The following SMIM20 variants were observed in gnomAD, a reference collection of about 807,000 sequenced individuals.
SMIM20 encodes mitochondrial translation regulation assembly intermediate of cytochrome c oxidase protein of 7 kDa.
In SMIM20, 3 loss-of-function variants were observed where a neutral mutation model predicts 8.7. The ratio of observed to expected loss-of-function variants is 0.34; its 90% CI spans 0.16 to 0.89. The LOEUF is 0.89. SMIM20 is among the 40% of genes least tolerant of loss of function. The pLI is 0.49. For synonymous variants in SMIM20, 44 were observed against 33.6 expected (o/e 1.31, Z -1.07); for missense variants, 85 against 84.8 (o/e 1.00, Z -0.01).
chr4:25,916,134 G>A (rs1220797539), intron 1 of SMIM20, among the ~76,000 whole-genome samples: 2 of 152,156 alleles, frequency 1.3e-5, no homozygotes, highest in Admixed American at 6.5e-5. Flanking sequence ...TTCATCTGTG[G>A]GTGAACATTT....
chr4:25,916,651 G>A (rs866553991), intron 1 of SMIM20, among the ~76,000 whole-genome samples: 1 of 152,148 alleles, frequency 6.6e-6, no homozygotes, highest in Non-Finnish European at 1.5e-5. Flanking sequence ...TGCCTCCCAG[G>A]TTCAAGTGAT....
At position 25,924,163 on chromosome 4, in the gene SMIM20, A is replaced by T. The variant is rs977042698; in HGVS notation, c.110-4150A>T. On this transcript the variant is annotated intron_variant, in intron 1 of 2. Coordinates refer to ENST00000506197, the MANE Select transcript of SMIM20 (RefSeq NM_001145432.3). The stretch of plus-strand genomic sequence containing the variant: ...AACCTCCAGTTCTGGAATACCCCAG[A>T]GGCAGATGGTGTATGTATCTAGGTA... Among the ~76,000 whole-genome samples the T allele has an allele frequency of 2.6e-5, 4 of 152,366 alleles. No homozygotes were observed. In the South Asian group the frequency reaches 8.3e-4, roughly 32 times the overall value.
chr4:25,928,229 C>T, intron 1 of SMIM20, 84 bp from the exon 2 acceptor site: 2 of 1,318,932 alleles, frequency 1.5e-6, no homozygotes, highest in South Asian at 1.4e-5. Flanking sequence ...TCTAATTGTC[C>T]CATGTCATTG....
At chr4:25,921,768 G>T (rs1377359009) in intron 1 of SMIM20, among the ~76,000 whole-genome samples, 2 of 152,150 alleles carry the variant, frequency 1.3e-5, no homozygotes, top group African/African-American at 4.8e-5. Flanking sequence ...GCCCGGGGCA[G>T]TGTGCTGGGG....
In SMIM20 at chr4:25,915,853, A is replaced by AAGGGGGGGG. The variant is rs1719078032; in HGVS notation, c.109+1431_109+1432insAGGGGGGGG. The stretch of plus-strand genomic sequence containing the variant: ...ACATTTTTGCTTGTCACAACTTGGG[A>AAGGGGGGGG]TGGGGCGGGGGGGGGGTCGAGTGTT... On this transcript the variant is annotated intron_variant, in intron 1 of 2. Coordinates refer to ENST00000506197, the MANE Select transcript of SMIM20 (RefSeq NM_001145432.3). Among the ~76,000 whole-genome samples, 5 of 10,184 alleles carry AAGGGGGGGG rather than the reference A, an allele frequency of 4.9e-4. 1 individual carries two copies. Among genetic ancestry groups the AAGGGGGGGG allele is most frequent in the African/African-American group, 2.0e-3 (4 of 2,022 alleles). 6.7% of individuals were successfully genotyped at this position (10,184 alleles called of 152,430 possible).
intron 1 of SMIM20, among the ~76,000 whole-genome samples, chr4:25,925,652 C>T (rs921899483): frequency 6.6e-6 from 1 of 152,170 alleles, no homozygotes; most frequent in Non-Finnish European, 1.5e-5. Flanking sequence ...GCTGGTCCTC[C>T]ACTAGAGCAC....
intron 1 of SMIM20, among the ~76,000 whole-genome samples, chr4:25,920,820 A>T (rs2109363957): frequency 6.6e-6 from 1 of 152,318 alleles, no homozygotes; most frequent in East Asian, 1.9e-4. Context: ...TAGACACACA[A>T]ATCTTTACCA....
At chr4:25,927,851 A>G (rs981052404) in intron 1 of SMIM20, among the ~76,000 whole-genome samples, 2 of 152,216 alleles carry the variant, frequency 1.3e-5, no homozygotes, top group Non-Finnish European at 2.9e-5. Flanking sequence ...TTTCTGCTCT[A>G]TTTCCTATCA....
chr4:25,919,525 T>G (rs890210992), intron 1 of SMIM20, among the ~76,000 whole-genome samples: 3 of 151,938 alleles, frequency 2.0e-5, no homozygotes, highest in African/African-American at 7.3e-5. Context: ...TTTCCTGTAT[T>G]TTAGTAGAGA....
At chr4:25,921,660 G>C (rs1380799468) in intron 1 of SMIM20, among the ~76,000 whole-genome samples, 1 of 152,214 alleles carries the variant, frequency 6.6e-6, no homozygotes, top group Non-Finnish European at 1.5e-5. Context: ...GTGAGCTGCA[G>C]CTGGAGATGG....
intron 1 of SMIM20, among the ~76,000 whole-genome samples, chr4:25,920,493 C>G (rs1719177019): frequency 6.6e-6 from 1 of 151,888 alleles, no homozygotes; most frequent in African/African-American, 2.4e-5. Context: ...GTGTTTTAAG[C>G]TAAATGTTAC....
intron 1 of SMIM20, among the ~76,000 whole-genome samples, chr4:25,918,863 C>G (rs1437965984): frequency 2.0e-5 from 3 of 150,444 alleles, no homozygotes; most frequent in African/African-American, 7.3e-5. Context: ...TCCTTATACA[C>G]GCAGACTTTG....
intron 2 of SMIM20, 142 bp from the exon 3 acceptor site, chr4:25,929,012 T>TC: frequency 1.0e-6 from 1 of 953,874 alleles, no homozygotes; most frequent in South Asian, 2.1e-5. Context: ...ATGCCAAGGT[T>TC]CCGGCAGCCT....
chr4:25,925,618 C>CT (rs914695099), intron 1 of SMIM20, among the ~76,000 whole-genome samples: 2 of 152,134 alleles, frequency 1.3e-5, no homozygotes, highest in Non-Finnish European at 2.9e-5. Flanking sequence ...CTTTCATTTG[C>CT]TTTTTTATTT....
intron 1 of SMIM20, among the ~76,000 whole-genome samples, chr4:25,919,430 C>G (rs996458964): frequency 2.0e-5 from 3 of 151,798 alleles, no homozygotes; most frequent in Admixed American, 6.6e-5. Flanking sequence ...CCTCTGCCTC[C>G]TGGATTCAAG....
chr4:25,919,501 G>A (rs931659857), intron 1 of SMIM20, among the ~76,000 whole-genome samples: 3 of 130,130 alleles, frequency 2.3e-5, no homozygotes, highest in Non-Finnish European at 5.5e-5. Flanking sequence ...ACCACGCCCG[G>A]CTAATTTTTT....
At chr4:25,923,920 T>G (rs1434069970) in intron 1 of SMIM20, among the ~76,000 whole-genome samples, 1 of 152,242 alleles carries the variant, frequency 6.6e-6, no homozygotes, top group Non-Finnish European at 1.5e-5. Flanking sequence ...GAAACAGACC[T>G]GTTGACACTG....
chr4:25,917,311 C>T (rs536358204), intron 1 of SMIM20, among the ~76,000 whole-genome samples: 1 of 151,954 alleles, frequency 6.6e-6, no homozygotes, highest in South Asian at 2.1e-4. Flanking sequence ...GTGTAGTTCA[C>T]TGGATTGAAT....
chr4:25,914,238 C>T lies in SMIM20; in HGVS notation c.-76C>T, dbSNP rs1403930848. On this transcript the variant is annotated 5_prime_UTR_variant, in exon 1 of 3. It adds an upstream start codon to the 5' untranslated region. Transcript: ENST00000506197. ...TCTCCACCTCTTCCGAGCGGGGTCA[C>T]GGCCCGGCCGTCGGTAACCTGGTTT... is the stretch of plus-strand genomic sequence containing the variant. The T allele has an allele frequency of 6.6e-7, 1 of 1,507,292 alleles. No homozygotes were observed. The highest frequency in any genetic ancestry group is 8.9e-7 in the Non-Finnish European group (1 of 1,121,690). 93.4% of individuals were successfully genotyped at this position (1,507,292 alleles called of 1,614,324 possible). A position where few individuals can be genotyped will look rare whatever the true frequency, so the allele number is the denominator to read the frequency against.
Sources: gnomAD v4.1 joint callset for allele counts (sites outside exome capture counted in the v4.1 genomes callset) on GRCh38, gnomAD v4.1.1 for gene constraint, MANE v1.5 for transcripts, NCBI Gene and HGNC (gene_info 2026-07-23, HGNC 2026-07-21) for gene names.